The following CCDC148 variants were observed in gnomAD, a reference collection of about 807,000 sequenced individuals.
CCDC148 encodes the protein coiled-coil domain-containing protein 148.
In CCDC148, 89 loss-of-function variants were observed where a neutral mutation model predicts 85.7. The ratio of observed to expected loss-of-function variants is 1.04; its 90% CI spans 0.87 to 1.24. The LOEUF is 1.24. Among genes scored for constraint, CCDC148 ranks in the 50% most tolerant of loss-of-function variants. The pLI is 0.00. For missense variants in CCDC148, 692 were observed against 671.7 expected (o/e 1.03, Z -0.33); for synonymous variants, 230 against 213.9 (o/e 1.08, Z -0.66).
chr2:158,294,185 G>A (rs1402308538), intron 9 of CCDC148, among the ~76,000 whole-genome samples: 1 of 151,942 alleles, frequency 6.6e-6, no homozygotes, highest in African/African-American at 2.4e-5. Flanking sequence ...ATGGAATGCA[G>A]CCTTTTGTGT....
chr2:158,280,942 G>A (rs1690257109), intron 9 of CCDC148, among the ~76,000 whole-genome samples: 1 of 152,182 alleles, frequency 6.6e-6, no homozygotes, highest in Non-Finnish European at 1.5e-5. Context: ...AGACCACAGT[G>A]CAATCAAACT....
chr2:158,278,090 C>T (rs1690046649), intron 9 of CCDC148, among the ~76,000 whole-genome samples: 1 of 152,114 alleles, frequency 6.6e-6, no homozygotes, highest in African/African-American at 2.4e-5. Context: ...AACATTTTTC[C>T]TTAAATTGAC....
At chr2:158,226,413 C>A (rs1687528457) in intron 10 of CCDC148, among the ~76,000 whole-genome samples, 1 of 152,166 alleles carries the variant, frequency 6.6e-6, no homozygotes, top group Admixed American at 6.5e-5. Context: ...TGAAACTATT[C>A]CAATCAATAG....
chr2:158,256,610 T>A (rs1689022408), intron 9 of CCDC148, among the ~76,000 whole-genome samples: 1 of 151,784 alleles, frequency 6.6e-6, no homozygotes, highest in Non-Finnish European at 1.5e-5. Flanking sequence ...TAACTGACAA[T>A]AATGAAATAT....
intron 10 of CCDC148, among the ~76,000 whole-genome samples, chr2:158,221,035 A>G (rs1051927216): frequency 6.6e-6 from 1 of 152,214 alleles, no homozygotes; most frequent in Admixed American, 6.5e-5. Context: ...ATTGTCTCTA[A>G]AGTATATGAT....
intron 1 of CCDC148, among the ~76,000 whole-genome samples, chr2:158,376,652 A>C (rs1684662756): frequency 1.3e-5 from 2 of 152,090 alleles, no homozygotes; most frequent in South Asian, 4.1e-4. Flanking sequence ...GGGGAAGATG[A>C]AAGGAGTTAA....
chr2:158,336,023 C>G (rs1234453581), intron 7 of CCDC148, among the ~76,000 whole-genome samples: 1 of 152,098 alleles, frequency 6.6e-6, no homozygotes, highest in Non-Finnish European at 1.5e-5. Context: ...AACAATGCCC[C>G]CTGGATATTT....
At chr2:158,238,177 C>T (rs1218963115) in intron 10 of CCDC148, among the ~76,000 whole-genome samples, 1 of 151,814 alleles carries the variant, frequency 6.6e-6, no homozygotes. Flanking sequence ...AGATGAAGGT[C>T]ATAATGGTGT....
chr2:158,283,075 T>C (rs1690415811), intron 9 of CCDC148, among the ~76,000 whole-genome samples: 1 of 152,162 alleles, frequency 6.6e-6, no homozygotes, highest in African/African-American at 2.4e-5. Flanking sequence ...TGGCTAGCCA[T>C]ATGTAGAAAG....
At chr2:158,393,559 C>T (rs1282677808) in intron 1 of CCDC148, among the ~76,000 whole-genome samples, 1 of 152,074 alleles carries the variant, frequency 6.6e-6, no homozygotes, top group African/African-American at 2.4e-5. Context: ...GCAAGCAATT[C>T]TGTGTAGCTA....
intron 10 of CCDC148, among the ~76,000 whole-genome samples, chr2:158,248,861 C>T (rs1204045827): frequency 6.6e-6 from 1 of 152,086 alleles, no homozygotes; most frequent in African/African-American, 2.4e-5. Context: ...TTTAGGTTAG[C>T]CCTTTGGGTG....
At chr2:158,330,500 T>A (rs1281951392) in intron 7 of CCDC148, among the ~76,000 whole-genome samples, 1 of 152,238 alleles carries the variant, frequency 6.6e-6, no homozygotes, top group African/African-American at 2.4e-5. Flanking sequence ...CAGGCTTTGG[T>A]ATCAGGATGA....
At chr2:158,352,451 C>T (rs906162938) in intron 2 of CCDC148, among the ~76,000 whole-genome samples, 17 of 152,024 alleles carry the variant, frequency 1.1e-4, no homozygotes, top group South Asian at 2.1e-4. Context: ...GGAGCCAATG[C>T]GATCAGCTGG....
chr2:158,363,747 C>T (rs1684072234), intron 1 of CCDC148, among the ~76,000 whole-genome samples: 1 of 152,164 alleles, frequency 6.6e-6, no homozygotes, highest in South Asian at 2.1e-4. Flanking sequence ...CCTTTGAAAA[C>T]TGGCACAAGA....
At chr2:158,444,598 T>C (rs576158243) in intron 1 of CCDC148, among the ~76,000 whole-genome samples, 37 of 151,504 alleles carry the variant, frequency 2.4e-4, no homozygotes, top group African/African-American at 8.7e-4. Context: ...CTGAGCAACA[T>C]AGGGAGACCT....
At position 158,412,953 on chromosome 2, in the gene CCDC148, T is replaced by C. The variant is rs910692789; in HGVS notation, c.25+43462A>G. Reference sequence around the variant, plus strand: ...TGCCATGCTGGTGTGCTGCACCCATTAACTCGTCATTTAGCATTAGGTATA... The same window carrying C: ...TGCCATGCTGGTGTGCTGCACCCATCAACTCGTCATTTAGCATTAGGTATA... On this transcript the variant is annotated intron_variant, in intron 1 of 13. Coordinates refer to ENST00000283233, the MANE Select transcript of CCDC148 (RefSeq NM_138803.4). 8.6e-5 allele frequency among the ~76,000 whole-genome samples: 13 copies of C among 151,330 alleles called. No homozygotes were observed. The South Asian group carries it at 2.7e-3, about 31-fold the overall frequency.
intron 10 of CCDC148, among the ~76,000 whole-genome samples, chr2:158,232,281 G>T (rs2105313897): frequency 6.6e-6 from 1 of 152,062 alleles, no homozygotes; most frequent in African/African-American, 2.4e-5. Flanking sequence ...AAATACTGTA[G>T]AAATAAAAAC....
At chr2:158,379,664 A>G (rs1053170531) in intron 1 of CCDC148, among the ~76,000 whole-genome samples, 1 of 152,158 alleles carries the variant, frequency 6.6e-6, no homozygotes, top group Non-Finnish European at 1.5e-5. Flanking sequence ...TTGATCAGTA[A>G]GCAGCCATCA....
intron 1 of CCDC148, among the ~76,000 whole-genome samples, chr2:158,439,732 C>A (rs1184594241): frequency 6.6e-6 from 1 of 152,018 alleles, no homozygotes; most frequent in Non-Finnish European, 1.5e-5. Flanking sequence ...ATATGCTTCA[C>A]AATAGAAGAT....
Sources: gnomAD v4.1 joint callset for allele counts (sites outside exome capture counted in the v4.1 genomes callset) on GRCh38, gnomAD v4.1.1 for gene constraint, MANE v1.5 for transcripts, NCBI Gene and HGNC (gene_info 2026-07-23, HGNC 2026-07-21) for gene names.